Variants in AFAP1 observed in about 807,000 individuals in gnomAD.
AFAP1 encodes actin filament associated protein 1.
In AFAP1, 75 loss-of-function variants were observed where a neutral mutation model predicts 93.9. The observed-to-expected ratio is 0.80, with a 90% CI of 0.66 to 0.97. The LOEUF is 0.97. AFAP1 is among the 50% of genes least tolerant of loss of function. AFAP1 has a pLI of 0.00. For synonymous variants in AFAP1, 517 were observed against 430.7 expected, an observed-to-expected ratio of 1.20 and a Z score of -2.48; for missense variants, 1,201 against 1,050.8, an observed-to-expected ratio of 1.14 and a Z score of -1.98.
chr4:7,773,585 G>A (rs1715733868), intron 15 of AFAP1: 1 of 152,494 alleles, frequency 6.6e-6, no homozygotes, highest in African/African-American at 2.4e-5. Flanking sequence ...TGGGCCGGTG[G>A]TGGCCGGCAG....
intron 1 of AFAP1, among the ~76,000 whole-genome samples, chr4:7,900,895 C>T (rs1035447578): frequency 2.0e-5 from 3 of 152,156 alleles, no homozygotes; most frequent in African/African-American, 7.2e-5. Flanking sequence ...GGTTCAAATG[C>T]TACCCTGAGA....
rs539177745 is a variant in AFAP1 at position 7,815,261 on chromosome 4, G to A, written c.904+757C>T. Among the ~76,000 whole-genome samples, 10 of 147,264 alleles carry A rather than the reference G, an allele frequency of 6.8e-5. No individual in the cohort carries two copies. The South Asian group carries it at 1.9e-3, about 29-fold the overall frequency. On this transcript the variant is annotated intron_variant, in intron 8 of 17. Transcript: ENST00000420658. ...GCCAGGGGCTGGGGGAGGAGGGAAT[G>A]GGGAGTCAGTGTTTAAAAGGGACAG...
At chr4:7,858,566 A>G (rs1404443570) in intron 3 of AFAP1, among the ~76,000 whole-genome samples, 1 of 152,164 alleles carries the variant, frequency 6.6e-6, no homozygotes, top group Non-Finnish European at 1.5e-5. Flanking sequence ...GAATTCACTG[A>G]GAGCACAATT....
chr4:7,929,156 T>C (rs1015548508), intron 1 of AFAP1, among the ~76,000 whole-genome samples: 1 of 152,212 alleles, frequency 6.6e-6, no homozygotes, highest in East Asian at 1.9e-4. Flanking sequence ...GCAGATGAAA[T>C]GTCTCCTGCC....
intron 6 of AFAP1, among the ~76,000 whole-genome samples, chr4:7,821,416 T>A (rs1720961701): frequency 6.6e-6 from 1 of 152,184 alleles, no homozygotes; most frequent in African/African-American, 2.4e-5. Context: ...GCAGGGATGG[T>A]GAGCCTGCAG....
intron 1 of AFAP1, among the ~76,000 whole-genome samples, chr4:7,878,426 T>TA (rs1013032183): frequency 2.0e-5 from 3 of 152,196 alleles, no homozygotes; most frequent in African/African-American, 7.2e-5. Context: ...ACCTCAGACT[T>TA]ATCTTCACCA....
intron 1 of AFAP1, among the ~76,000 whole-genome samples, chr4:7,911,220 C>G (rs1024296056): frequency 1.3e-5 from 2 of 152,194 alleles, no homozygotes; most frequent in African/African-American, 4.8e-5. Flanking sequence ...TTTCTTCCCC[C>G]ACTCCCTGCA....
chr4:7,842,249 C>G (rs1417028204), intron 5 of AFAP1, among the ~76,000 whole-genome samples: 1 of 107,992 alleles, frequency 9.3e-6, no homozygotes, highest in African/African-American at 3.7e-5. Flanking sequence ...ATCCTAGGAA[C>G]TTAGTAAAAC....
intron 10 of AFAP1, among the ~76,000 whole-genome samples, chr4:7,794,186 G>A (rs996906905): frequency 6.6e-6 from 1 of 152,146 alleles, no homozygotes; most frequent in African/African-American, 2.4e-5. Flanking sequence ...CCATGAGAAG[G>A]GGCACGTCCC....
chr4:7,911,303 G>A (rs543871850), intron 1 of AFAP1, among the ~76,000 whole-genome samples: 6 of 152,304 alleles, frequency 3.9e-5, no homozygotes, highest in African/African-American at 9.6e-5. Context: ...TCCTACAGCC[G>A]GAGGGGGGAA....
intron 1 of AFAP1, among the ~76,000 whole-genome samples, chr4:7,896,781 G>A (rs538482618): frequency 5.2e-4 from 29 of 55,604 alleles, no homozygotes; most frequent in African/African-American, 1.9e-3. Context: ...CCCACACCCA[G>A]GGCTCAGTCC....
chr4:7,794,236 A>T (rs992945628), intron 10 of AFAP1, among the ~76,000 whole-genome samples: 1 of 152,236 alleles, frequency 6.6e-6, no homozygotes, highest in Non-Finnish European at 1.5e-5. Context: ...ACCAAGCTCC[A>T]GGCCCTTTAC....
intron 8 of AFAP1, among the ~76,000 whole-genome samples, chr4:7,812,296 C>T (rs1188110597): frequency 1.3e-5 from 2 of 148,694 alleles, no homozygotes; most frequent in African/African-American, 2.5e-5. Flanking sequence ...GATAATGTGG[C>T]CCCCCCCAGA....
intron 9 of AFAP1, among the ~76,000 whole-genome samples, chr4:7,805,208 C>G (rs981350451): frequency 5.9e-5 from 9 of 152,180 alleles, no homozygotes; most frequent in African/African-American, 2.2e-4. Flanking sequence ...GCTTCGTCTA[C>G]TTTTCGTGGA....
At chr4:7,921,324 C>G (rs941471212) in intron 1 of AFAP1, among the ~76,000 whole-genome samples, 1 of 151,176 alleles carries the variant, frequency 6.6e-6, no homozygotes, top group Non-Finnish European at 1.5e-5. Flanking sequence ...GCTGGGATTA[C>G]AGGCGCCCGC....
chr4:7,880,061 A>C lies in AFAP1; in HGVS notation c.-2-7981T>G, dbSNP rs890934088. Among the ~76,000 whole-genome samples, 79 of 152,202 alleles carry C rather than the reference A, an allele frequency of 5.2e-4. 6 individuals carry two copies. ...AGACATCCCAGGAGACAAAGAATTC[A>C]ACAAAGCAAACACACTTCCTGCTTA... is the stretch of plus-strand genomic sequence containing the variant. On this transcript the variant is annotated intron_variant, in intron 1 of 17. Coordinates refer to ENST00000420658, the MANE Select transcript of AFAP1 (RefSeq NM_001134647.2).
chr4:7,778,427 G>C, intron 14 of AFAP1: 1 of 404,962 alleles, frequency 2.5e-6, no homozygotes, highest in Non-Finnish European at 4.6e-6. Flanking sequence ...GACAACCACA[G>C]ATCAGGGACA....
At position 7,838,834 on chromosome 4, in the gene AFAP1, T is replaced by TCACACACACA. The variant is rs113955695; in HGVS notation, c.547-141_547-132dup. On this transcript the variant is annotated intron_variant, in intron 5 of 17. Transcript: ENST00000420658. ...AGTCTGAATCTGCAGATGAGCAGGT[T>TCACACACACA]CACACACACACACACACACACACAT... is the stretch of plus-strand genomic sequence containing the variant. 375 of 744,910 alleles carry TCACACACACA rather than the reference T, an allele frequency of 5.0e-4. 1 individual carries two copies. The African/African-American group carries it at 5.8e-3, about 11-fold the overall frequency. 46.1% of individuals were successfully genotyped at this position (744,910 alleles called of 1,614,324 possible).
chr4:7,768,424 G>C (rs900853060), intron 17 of AFAP1, among the ~76,000 whole-genome samples: 1 of 152,218 alleles, frequency 6.6e-6, no homozygotes, highest in East Asian at 1.9e-4. Flanking sequence ...GCTAGGGAAG[G>C]GGCTGGGGGA....
Sources: gnomAD v4.1 joint callset for allele counts (sites outside exome capture counted in the v4.1 genomes callset) on GRCh38, gnomAD v4.1.1 for gene constraint, MANE v1.5 for transcripts, NCBI Gene and HGNC (gene_info 2026-07-23, HGNC 2026-07-21) for gene names.